The following RANBP17 variants were observed in gnomAD, a reference collection of about 807,000 sequenced individuals.
The protein encoded by RANBP17 is RAN binding protein 17, also known as ran-binding protein 17.
A neutral mutation model predicts 141.2 loss-of-function variants in RANBP17; 158 were observed. The ratio of observed to expected loss-of-function variants is 1.12; its 90% CI spans 0.98 to 1.28. RANBP17 has a LOEUF of 1.28. Ranked by LOEUF, RANBP17 falls within the 50% of genes most tolerant of loss-of-function variation. The pLI, the probability that RANBP17 is intolerant of heterozygous loss-of-function variation, is 0.00. For synonymous variants in RANBP17, 430 were observed against 450.0 expected (o/e 0.96, Z 0.56); for missense variants, 1,438 against 1,290.7 (o/e 1.11, Z -1.75).
chr5:170,911,135 G>T lies in RANBP17; in HGVS notation c.760+1G>T, dbSNP rs1271039809. Reference sequence around the variant, plus strand: ...CAGATTCCAACAACTTGGAGAACAAGTAAGAAAAAACTTTGGTATGAAGGG... The same window carrying T: ...CAGATTCCAACAACTTGGAGAACAATTAAGAAAAAACTTTGGTATGAAGGG... On this transcript the variant is annotated splice_donor_variant, in intron 7 of 27. Coordinates refer to ENST00000523189, the MANE Select transcript of RANBP17 (RefSeq NM_022897.5). LOFTEE classifies it high-confidence loss of function. 6.2e-7 allele frequency: 1 copy of T among 1,610,828 alleles called. No homozygotes were observed. Among genetic ancestry groups the T allele is most frequent in the Non-Finnish European group, 8.5e-7 (1 of 1,177,998 alleles).
intron 12 of RANBP17, among the ~76,000 whole-genome samples, chr5:170,925,413 T>G (rs1215233172): frequency 1.3e-5 from 2 of 152,190 alleles, no homozygotes; most frequent in Non-Finnish European, 2.9e-5. Context: ...TGGGATCTTA[T>G]TTGTAAATTA....
intron 5 of RANBP17, among the ~76,000 whole-genome samples, chr5:170,907,551 T>TAGAAAGAA (rs1771166651): frequency 6.6e-6 from 1 of 152,014 alleles, no homozygotes; most frequent in Admixed American, 6.6e-5. Flanking sequence ...AAGTGCTCAG[T>TAGAAAGAA]ACACCTAAGT....
intron 18 of RANBP17, among the ~76,000 whole-genome samples, chr5:171,192,003 T>G (rs564520839): frequency 6.6e-6 from 1 of 152,320 alleles, no homozygotes; most frequent in East Asian, 1.9e-4. Context: ...TATTATAGTT[T>G]GATGGTGAGT....
chr5:170,886,651 C>CTTTT lies in RANBP17; in HGVS notation c.256+4775_256+4778dup, dbSNP rs3080616. ...ACACTACACCATTCATTTGAGGTGC[C>CTTTT]TTTTTTTTTTTTTTTTTTTTTTTGA... On this transcript the variant is annotated intron_variant, in intron 3 of 27. Transcript: ENST00000523189. Among the ~76,000 whole-genome samples, 48 of 87,888 alleles carry CTTTT rather than the reference C, an allele frequency of 5.5e-4. 1 individual carries two copies. The highest frequency in any genetic ancestry group is 1.8e-3 in the African/African-American group (41 of 22,468). The allele number at this position is 87,888 out of a possible 152,430, so 57.7% of individuals were successfully genotyped here.
chr5:170,916,592 T>C lies in RANBP17; in HGVS notation c.954+8T>C, dbSNP rs1771992401. 2 of 1,520,454 alleles carry C rather than the reference T, an allele frequency of 1.3e-6. No homozygotes were observed. Among genetic ancestry groups the C allele is most frequent in the Admixed American group, 2.0e-5 (1 of 50,128 alleles). 94.2% of individuals were successfully genotyped at this position (1,520,454 alleles called of 1,614,324 possible). A position where few individuals can be genotyped will look rare whatever the true frequency, so the allele number is the denominator to read the frequency against. On this transcript the variant is annotated splice_region_variant and intron_variant, in intron 9 of 27. Transcript: ENST00000523189. ...ATACTTGAAAACCCTCAGGTATTTATGAAGTAATTTAATACTTAGCATATA... is the reference window on the plus strand; with the variant it reads ...ATACTTGAAAACCCTCAGGTATTTACGAAGTAATTTAATACTTAGCATATA...
At chr5:171,056,883 G>C (rs558931896) in intron 14 of RANBP17, among the ~76,000 whole-genome samples, 3 of 152,054 alleles carry the variant, frequency 2.0e-5, no homozygotes, top group African/African-American at 7.2e-5. Context: ...CAACCAATCG[G>C]TCTCTTTTCT....
At chr5:171,161,136 TC>T (rs796355663) in intron 14 of RANBP17, among the ~76,000 whole-genome samples, 20 of 152,306 alleles carry the variant, frequency 1.3e-4, no homozygotes, top group African/African-American at 4.8e-4. Flanking sequence ...TATGATTTAT[TC>T]TTTTTTAGGG....
At chr5:170,916,721 T>A in intron 9 of RANBP17, 137 bp downstream of exon 9, 2 of 455,160 alleles carry the variant, frequency 4.4e-6, no homozygotes, top group Non-Finnish European at 7.1e-6. Context: ...TTAGAGCTTT[T>A]TTTTTTTTTT....
chr5:170,977,468 C>T (rs1238506520), intron 14 of RANBP17, among the ~76,000 whole-genome samples: 1 of 151,914 alleles, frequency 6.6e-6, no homozygotes, highest in Non-Finnish European at 1.5e-5. Context: ...ATAGAGTTAC[C>T]ATGATTCAGT....
chr5:171,115,332 A>G (rs1755543897), intron 14 of RANBP17, among the ~76,000 whole-genome samples: 1 of 152,220 alleles, frequency 6.6e-6, no homozygotes, highest in Non-Finnish European at 1.5e-5. Flanking sequence ...GAGATCTAAT[A>G]CAATGATAAA....
intron 14 of RANBP17, among the ~76,000 whole-genome samples, chr5:171,134,757 C>CA (rs1740022324): frequency 1.3e-5 from 2 of 148,718 alleles, no homozygotes; most frequent in Non-Finnish European, 3.0e-5. Context: ...CCTATCTCTA[C>CA]AAAAAATACA....
intron 24 of RANBP17, among the ~76,000 whole-genome samples, chr5:171,255,577 G>A (rs570194812): frequency 6.6e-6 from 1 of 152,144 alleles, no homozygotes; most frequent in Admixed American, 6.5e-5. Context: ...GGACTGTGGG[G>A]TGACAGTTTT....
At chr5:170,898,881 A>T (rs1005886067) in intron 5 of RANBP17, among the ~76,000 whole-genome samples, 15 of 152,032 alleles carry the variant, frequency 9.9e-5, no homozygotes, top group Non-Finnish European at 1.9e-4. Flanking sequence ...TAGTCTATAC[A>T]TCTGTTTTGG....
At chr5:171,241,381 A>G (rs536891836) in intron 23 of RANBP17, among the ~76,000 whole-genome samples, 126 of 151,506 alleles carry the variant, frequency 8.3e-4, no homozygotes, top group African/African-American at 2.9e-3. Flanking sequence ...TAATTACTTG[A>G]GTAACATAGC....
chr5:171,263,895 C>G (rs1766500977), intron 24 of RANBP17, among the ~76,000 whole-genome samples: 1 of 151,970 alleles, frequency 6.6e-6, no homozygotes. Context: ...AACCCTGTCT[C>G]TACAAAAAAT....
intron 12 of RANBP17, among the ~76,000 whole-genome samples, chr5:170,933,332 A>G (rs1324501167): frequency 2.0e-5 from 3 of 151,974 alleles, no homozygotes; most frequent in Non-Finnish European, 2.9e-5. Flanking sequence ...CTAGCGGTCT[A>G]TCAATTTTGT....
chr5:171,198,628 G>A lies in RANBP17; in HGVS notation c.2039-1042G>A, dbSNP rs371482181. On this transcript the variant is annotated intron_variant, in intron 18 of 27. Coordinates refer to ENST00000523189, the MANE Select transcript of RANBP17 (RefSeq NM_022897.5). ...TTTCTGATTCAATAGATATGGGATG[G>A]AACCTGGGCATTTACATCTCACAAG... Among the ~76,000 whole-genome samples the A allele has an allele frequency of 2.3e-4, 35 of 152,318 alleles. 1 individual carries two copies. In the South Asian group the frequency reaches 6.6e-3, roughly 29 times the overall value.
At chr5:170,862,181 GC>G in intron 1 of RANBP17, 130 bp downstream of exon 1, 1 of 960,896 alleles carries the variant, frequency 1.0e-6, no homozygotes, top group East Asian at 3.3e-5. Flanking sequence ...CGGAGTCCCA[GC>G]CCCTGCCTCT....
chr5:171,088,155 G>A (rs1444412362), intron 14 of RANBP17, among the ~76,000 whole-genome samples: 2 of 151,898 alleles, frequency 1.3e-5, no homozygotes, highest in African/African-American at 4.8e-5. Context: ...TTTAGGGCAG[G>A]CCTGGTGGTG....
Sources: allele counts gnomAD v4.1 joint callset (sites outside exome capture counted in the v4.1 genomes callset), GRCh38; gene constraint gnomAD v4.1.1; transcripts MANE v1.5; gene names NCBI Gene and HGNC (gene_info 2026-07-23, HGNC 2026-07-21).